MOB3B: variants seen among roughly 807,000 people sequenced by gnomAD.
The protein encoded by MOB3B is MOB kinase activator 3B.
MOB3B carries 7 observed loss-of-function variants against 18.7 expected under a neutral mutation model. The observed-to-expected ratio is 0.37, with a 90% CI of 0.21 to 0.70. MOB3B has a LOEUF of 0.70. Ranked by LOEUF, MOB3B falls within the 30% of genes least tolerant of loss-of-function variation. MOB3B has a pLI of 0.52. For synonymous variants in MOB3B, 111 were observed against 99.9 expected (o/e 1.11, Z -0.66); for missense variants, 253 against 281.3 (o/e 0.90, Z 0.72).
At chr9:27,433,201 A>G (rs926237755) in intron 2 of MOB3B, among the ~76,000 whole-genome samples, 4 of 152,200 alleles carry the variant, frequency 2.6e-5, no homozygotes, top group African/African-American at 7.2e-5. Context: ...TATCTCATTT[A>G]TGTATGATAG....
intron 1 of MOB3B, among the ~76,000 whole-genome samples, chr9:27,503,811 G>A (rs1820022025): frequency 6.6e-6 from 1 of 152,222 alleles, no homozygotes; most frequent in Non-Finnish European, 1.5e-5. Context: ...CCGCCCTGGA[G>A]GGAGTTTGCC....
chr9:27,506,667 A>G (rs1196404903), intron 1 of MOB3B, among the ~76,000 whole-genome samples: 3 of 151,804 alleles, frequency 2.0e-5, no homozygotes, highest in African/African-American at 7.3e-5. Context: ...AGTAGCTGGG[A>G]TTACAGGCAC....
intron 3 of MOB3B, among the ~76,000 whole-genome samples, chr9:27,335,277 G>A (rs1820846907): frequency 6.6e-6 from 1 of 152,204 alleles, no homozygotes; most frequent in Admixed American, 6.5e-5. Flanking sequence ...TAGCTGGGAG[G>A]AAACATGGGT....
intron 2 of MOB3B, among the ~76,000 whole-genome samples, chr9:27,367,122 T>C (rs1030293841): frequency 7.2e-5 from 11 of 152,128 alleles, no homozygotes; most frequent in Non-Finnish European, 1.2e-4. Context: ...AGGGTGGGTA[T>C]GGAATAAATA....
intron 3 of MOB3B, among the ~76,000 whole-genome samples, chr9:27,339,953 A>G (rs2131337383): frequency 6.6e-6 from 1 of 152,362 alleles, no homozygotes; most frequent in South Asian, 2.1e-4. Flanking sequence ...CCAGTCTACA[A>G]AAATATTTTT....
At chr9:27,528,999 C>T (rs970386657) in intron 1 of MOB3B, among the ~76,000 whole-genome samples, 7 of 152,300 alleles carry the variant, frequency 4.6e-5, no homozygotes, top group African/African-American at 1.4e-4. Context: ...ACGGCCTTTA[C>T]ACGCTCCCCA....
intron 2 of MOB3B, among the ~76,000 whole-genome samples, chr9:27,375,400 G>A (rs1821476128): frequency 6.6e-6 from 1 of 152,198 alleles, no homozygotes; most frequent in Non-Finnish European, 1.5e-5. Flanking sequence ...TTCATGTTTT[G>A]CAATACAAGA....
At chr9:27,516,330 A>G (rs986653816) in intron 1 of MOB3B, among the ~76,000 whole-genome samples, 3 of 152,202 alleles carry the variant, frequency 2.0e-5, no homozygotes, top group Non-Finnish European at 4.4e-5. Flanking sequence ...AACCAGGCAA[A>G]CTTGCAGTCC....
intron 2 of MOB3B, among the ~76,000 whole-genome samples, chr9:27,431,287 G>A (rs74526076): frequency 0.075 from 11,437 of 152,162 alleles, 489 homozygotes; most frequent in South Asian, 0.11. Flanking sequence ...TGTAACATGT[G>A]GTTTTATTTT....
chr9:27,472,033 T>C (rs7029704), intron 1 of MOB3B, among the ~76,000 whole-genome samples: 151,182 of 152,300 alleles, frequency 0.99, 75,041 homozygotes, highest in East Asian at 1. Flanking sequence ...TGTAGACTTG[T>C]CAAAAATGTT....
intron 2 of MOB3B, among the ~76,000 whole-genome samples, chr9:27,384,147 A>G (rs1260801448): frequency 1.3e-5 from 2 of 152,092 alleles, no homozygotes; most frequent in Non-Finnish European, 2.9e-5. Flanking sequence ...ACAGCCCTGC[A>G]AGGGAGGAAT....
chr9:27,453,941 T>G (rs1202299365), intron 2 of MOB3B, among the ~76,000 whole-genome samples: 1 of 152,154 alleles, frequency 6.6e-6, no homozygotes, highest in Non-Finnish European at 1.5e-5. Flanking sequence ...TTCTTCCTCC[T>G]ATGCTGTGAA....
chr9:27,508,133 G>C (rs562789296), intron 1 of MOB3B, among the ~76,000 whole-genome samples: 1 of 152,290 alleles, frequency 6.6e-6, no homozygotes, highest in East Asian at 1.9e-4. Context: ...CTTTCTCTGT[G>C]ATACGTACTC....
At chr9:27,376,472 G>T (rs1394145451) in intron 2 of MOB3B, among the ~76,000 whole-genome samples, 1 of 152,164 alleles carries the variant, frequency 6.6e-6, no homozygotes, top group African/African-American at 2.4e-5. Flanking sequence ...TATGCATGCT[G>T]CCGTTAGAAA....
At chr9:27,427,604 GT>G (rs1363114888) in intron 2 of MOB3B, among the ~76,000 whole-genome samples, 6 of 152,008 alleles carry the variant, frequency 3.9e-5, no homozygotes, top group Admixed American at 6.6e-5. Flanking sequence ...TTACTCCATT[GT>G]TTTTTTGTGG....
chr9:27,371,285 G>A (rs1361713579), intron 2 of MOB3B, among the ~76,000 whole-genome samples: 1 of 152,156 alleles, frequency 6.6e-6, no homozygotes, highest in Non-Finnish European at 1.5e-5. Context: ...ACTTGAGCGG[G>A]GCTTTGCAGA....
intron 1 of MOB3B, among the ~76,000 whole-genome samples, chr9:27,521,108 C>T (rs1010473662): frequency 1.3e-5 from 2 of 152,160 alleles, no homozygotes; most frequent in African/African-American, 4.8e-5. Flanking sequence ...ATTACTCCTC[C>T]TGCCTAAAAC....
chr9:27,524,517 C>T (rs375380680), intron 1 of MOB3B: 62 of 1,614,052 alleles, frequency 3.8e-5, no homozygotes, highest in East Asian at 3.3e-4. Flanking sequence ...AGAATGTCTA[C>T]GAGAAAACAT....
At chr9:27,351,141 G>A (rs1443536937) in intron 3 of MOB3B, among the ~76,000 whole-genome samples, 1 of 152,090 alleles carries the variant, frequency 6.6e-6, no homozygotes, top group African/African-American at 2.4e-5. Context: ...GACCTCAGGT[G>A]ATCCACCCGC....
Sources: gnomAD v4.1 joint callset for allele counts (sites outside exome capture counted in the v4.1 genomes callset) on GRCh38, gnomAD v4.1.1 for gene constraint, MANE v1.5 for transcripts, NCBI Gene and HGNC (gene_info 2026-07-23, HGNC 2026-07-21) for gene names.